FAM120C: variants seen among roughly 807,000 people sequenced by gnomAD.
FAM120C encodes the protein family with sequence similarity 120 member C.
A neutral mutation model predicts 71.2 loss-of-function variants in FAM120C; 14 were observed. That is an observed-to-expected ratio of 0.20 (90% confidence interval 0.13 to 0.31). The LOEUF (loss-of-function observed/expected upper bound fraction) is 0.31. Among genes scored for constraint, FAM120C ranks in the 10% least tolerant of loss-of-function variants. The pLI, the probability that FAM120C is intolerant of heterozygous loss-of-function variation, is 1.00. For synonymous variants in FAM120C, 354 were observed against 353.2 expected (o/e 1.00, Z -0.03); for missense variants, 500 against 879.0 (o/e 0.57, Z 5.45).
chrX:54,158,568 A>G (rs1162983145), intron 2 of FAM120C, among the ~76,000 whole-genome samples: 3 of 111,703 alleles, frequency 2.7e-5, no homozygotes, highest in Non-Finnish European at 5.6e-5. Flanking sequence ...CAGGAGTTCA[A>G]GACCAGCCTG....
intron 3 of FAM120C, among the ~76,000 whole-genome samples, chrX:54,155,157 T>C (rs1417930507): frequency 1.8e-5 from 2 of 110,948 alleles, no homozygotes; most frequent in African/African-American, 6.6e-5. Flanking sequence ...TGAGCCATGA[T>C]CGCCCCACTG....
intron 10 of FAM120C, among the ~76,000 whole-genome samples, chrX:54,104,809 G>T (rs2066898413): frequency 9.2e-6 from 1 of 109,191 alleles, no homozygotes; most frequent in East Asian, 2.9e-4. Context: ...CTCTGTCTCG[G>T]GGGGGGAAAA....
rs1354175755 is a variant in FAM120C, at chrX:54,173,982, G to A, written c.699+8518C>T. 1.1e-5 allele frequency: 5 copies of A among 440,855 alleles called. No homozygotes were observed. In the East Asian group the frequency reaches 1.1e-4, roughly 10 times the overall value. 36.3% of individuals were successfully genotyped at this position (440,855 alleles called of 1,213,427 possible). ...TCAAGGCTTGCCTGGGGAAGGATCC[G>A]CTTCCAAGCTCACTCACGTACGTGG... On this transcript the variant is annotated intron_variant, in intron 1 of 15. Coordinates refer to ENST00000375180, the MANE Select transcript of FAM120C (RefSeq NM_017848.6).
chrX:54,109,709 T>TG (rs1557125367), intron 10 of FAM120C, among the ~76,000 whole-genome samples: 1 of 106,620 alleles, frequency 9.4e-6, no homozygotes, highest in African/African-American at 3.4e-5. Flanking sequence ...GAAGCAGCTT[T>TG]GGGAGGCTGA....
At chrX:54,118,866 C>T (rs1310205785) in intron 9 of FAM120C, among the ~76,000 whole-genome samples, 1 of 40,226 alleles carries the variant, frequency 2.5e-5, no homozygotes, top group African/African-American at 9.7e-5. Flanking sequence ...CCTCCCCCCT[C>T]CCCCGACCCC....
chrX:54,132,671 C>T, intron 9 of FAM120C, 21 bp downstream of exon 9: 1 of 1,175,858 alleles, frequency 8.5e-7, no homozygotes, highest in Non-Finnish European at 1.1e-6. Flanking sequence ...AGAGAATTGT[C>T]ATAGCTAGAA....
chrX:54,073,292 TA>T lies in FAM120C; in HGVS notation c.3037-6del. 1 of 1,196,516 alleles carries T rather than the reference TA, an allele frequency of 8.4e-7. No individual in the cohort carries two copies. Among genetic ancestry groups the T allele is most frequent in the Non-Finnish European group, 1.1e-6 (1 of 885,408 alleles). Reference sequence around the variant, plus strand: ...AGAAACTCCATCTGAAGAGCCCTGTTAAAAACAGAGATACTCAGTGGAAATG... The same window carrying T: ...AGAAACTCCATCTGAAGAGCCCTGTTAAAACAGAGATACTCAGTGGAAATG... On this transcript the variant is annotated splice_region_variant and splice_polypyrimidine_tract_variant and intron_variant, in intron 15 of 15. Coordinates refer to ENST00000375180, the MANE Select transcript of FAM120C (RefSeq NM_017848.6).
chrX:54,151,450 T>G, intron 3 of FAM120C, 77 bp from the exon 4 acceptor site: 33 of 981,700 alleles, frequency 3.4e-5, no homozygotes, highest in Middle Eastern at 3.4e-4. Context: ...TGAGGGGAGA[T>G]ATGGAATTCA....
Position 54,172,779 on chromosome X carries a change from G to T in FAM120C, c.699+9721C>A, listed in dbSNP as rs781850631. Among the ~76,000 whole-genome samples, 21 of 111,683 alleles carry T rather than the reference G, an allele frequency of 1.9e-4. No individual in the cohort carries two copies. The Admixed American group carries it at 2.0e-3, about 11-fold the overall frequency. ...GTTTCTGATTCTGTAGGTCCGATGG[G>T]GTAGGGGACTGAGAATGTGTATTTC... On this transcript the variant is annotated intron_variant, in intron 1 of 15. Transcript: ENST00000375180.
At chrX:54,178,175 A>G (rs1167637311) in intron 1 of FAM120C, among the ~76,000 whole-genome samples, 1 of 112,383 alleles carries the variant, frequency 8.9e-6, no homozygotes, top group East Asian at 2.8e-4. Context: ...TGTAAGTGAA[A>G]GAAACCAGAG....
intron 14 of FAM120C, among the ~76,000 whole-genome samples, 200 bp downstream of exon 14, chrX:54,081,122 C>T (rs781799702): frequency 6.5e-5 from 7 of 108,378 alleles, no homozygotes; most frequent in African/African-American, 1.7e-4. Flanking sequence ...TGCAGGAAGC[C>T]GAGATGATGC....
At chrX:54,145,538 C>T (rs782095380) in intron 4 of FAM120C, among the ~76,000 whole-genome samples, 1 of 112,182 alleles carries the variant, frequency 8.9e-6, no homozygotes, top group East Asian at 2.8e-4. Context: ...TTTATGCAGA[C>T]AAAAGACACA....
chrX:54,087,637 G>A, intron 12 of FAM120C, 118 bp downstream of exon 12: 1 of 665,581 alleles, frequency 1.5e-6, no homozygotes, highest in Non-Finnish European at 2.3e-6. Flanking sequence ...GTTAAAGTGA[G>A]ACACATTCTC....
At chrX:54,167,592 G>A (rs1557135321) in intron 1 of FAM120C, among the ~76,000 whole-genome samples, 2 of 110,671 alleles carry the variant, frequency 1.8e-5, no homozygotes, top group African/African-American at 3.3e-5. Context: ...TGGAGCACAG[G>A]GTACCATGGG....
At chrX:54,137,663 A>G (rs1557130844) in intron 4 of FAM120C, among the ~76,000 whole-genome samples, 1 of 111,728 alleles carries the variant, frequency 9.0e-6, no homozygotes, top group East Asian at 2.8e-4. Flanking sequence ...TGCTCTTAGG[A>G]AAATATCCTA....
chrX:54,133,859 G>T lies in FAM120C; in HGVS notation c.1804C>A (p.Pro602Thr), dbSNP rs781953948. 8.3e-6 allele frequency: 10 copies of T among 1,211,451 alleles called. No individual in the cohort carries two copies. Among genetic ancestry groups the T allele is most frequent in the Admixed American group, 2.2e-5 (1 of 45,971 alleles). The change falls in exon 8 of 16, where the codon CCA becomes ACA. Residue 602 changes from proline (P) to threonine (T), a missense_variant. By Grantham distance (38) the Pro-to-Thr change is conservative. Transcript: ENST00000375180. ...ACTCTCAAGACTTCTGGAGCTACTG[G>T]AGGTAAGGGTGGAATGGTGATATCC... ...HMDITIPPLP[P>T]VAPEVLRVAE...
intron 10 of FAM120C, among the ~76,000 whole-genome samples, chrX:54,093,971 G>A (rs1557122927): frequency 9.1e-6 from 1 of 110,460 alleles, no homozygotes; most frequent in African/African-American, 3.3e-5. Flanking sequence ...TTTACTAAAT[G>A]CCTCTGATAT....
chrX:54,151,457 T>C, intron 3 of FAM120C, 84 bp from the exon 4 acceptor site: 3 of 979,544 alleles, frequency 3.1e-6, no homozygotes, highest in Non-Finnish European at 4.2e-6. Context: ...AGATATGGAA[T>C]TCACATTTGG....
chrX:54,103,484 AATCC>A (rs1557124400), intron 10 of FAM120C, among the ~76,000 whole-genome samples: 1 of 112,122 alleles, frequency 8.9e-6, no homozygotes, highest in South Asian at 3.7e-4. Flanking sequence ...CTTTATAATT[AATCC>A]ATCTGGAATT....
Sources: allele counts gnomAD v4.1 joint callset (sites outside exome capture counted in the v4.1 genomes callset), GRCh38; gene constraint gnomAD v4.1.1; transcripts MANE v1.5; gene names NCBI Gene and HGNC (gene_info 2026-07-23, HGNC 2026-07-21).